TBC1D19: variants seen among roughly 807,000 people sequenced by gnomAD.
The protein encoded by TBC1D19 is TBC1 domain family member 19, also known as TBC1 domain family, member 19.
In TBC1D19, 60 loss-of-function variants were observed where a neutral mutation model predicts 89.0. The observed-to-expected ratio is 0.67, with a 90% CI of 0.55 to 0.84. The LOEUF (loss-of-function observed/expected upper bound fraction) is 0.84, where lower values mean the gene tolerates loss of function less well. Ranked by LOEUF, TBC1D19 falls within the 40% of genes least tolerant of loss-of-function variation. The probability of loss-of-function intolerance (pLI) is 0.00; values close to 1 mark genes in which losing one functional copy is unlikely to be tolerated. For synonymous variants in TBC1D19, 189 were observed against 199.7 expected (o/e 0.95, Z 0.45); for missense variants, 500 against 610.8 (o/e 0.82, Z 1.91).
At chr4:26,767,059 C>G in the TBC1D19 span, among the ~76,000 whole-genome samples, 1 of 152,060 alleles carries the variant, frequency 6.6e-6, no homozygotes, top group Non-Finnish European at 1.5e-5. Flanking sequence ...AATCCTAACA[C>G]TTTGAGAGGC....
rs571551655 is a variant in TBC1D19, at chr4:26,645,919, C to G, written c.480+5732C>G. On this transcript the variant is annotated intron_variant, in intron 7 of 20. Coordinates refer to ENST00000264866, the MANE Select transcript of TBC1D19 (RefSeq NM_018317.4). ...CGGGCGGATCACGAGGTCAGGAGAT[C>G]GAGACCATCCCGGCTAAAACGGTGA... Among the ~76,000 whole-genome samples, 5 of 151,530 alleles carry G rather than the reference C, an allele frequency of 3.3e-5. No homozygotes were observed. The East Asian group carries it at 9.7e-4, about 29-fold the overall frequency.
the TBC1D19 span, among the ~76,000 whole-genome samples, chr4:26,793,245 C>G: frequency 6.6e-6 from 1 of 152,228 alleles, no homozygotes; most frequent in East Asian, 1.9e-4. Flanking sequence ...CCAGGAGACC[C>G]GCTTCTCATG....
intron 19 of TBC1D19, among the ~76,000 whole-genome samples, chr4:26,749,235 CAATT>C (rs1718812003): frequency 6.6e-6 from 1 of 152,080 alleles, no homozygotes; most frequent in Admixed American, 6.6e-5. Context: ...ACAATAGACT[CAATT>C]ACTTTATTAG....
intron 1 of TBC1D19, 27 bp from the exon 2 acceptor site, chr4:26,613,139 TTTC>T (rs1741484105): frequency 7.1e-7 from 1 of 1,404,732 alleles, no homozygotes; most frequent in Non-Finnish European, 9.7e-7. Flanking sequence ...CTTCCTTATC[TTTC>T]TTTTTTATTA....
intron 1 of TBC1D19, among the ~76,000 whole-genome samples, chr4:26,612,482 G>A (rs1741441518): frequency 6.6e-6 from 1 of 151,962 alleles, no homozygotes. Flanking sequence ...CTCTATTTGA[G>A]ATCCTCTAAT....
At chr4:26,676,226 A>C (rs939158810) in intron 11 of TBC1D19, among the ~76,000 whole-genome samples, 8 of 152,166 alleles carry the variant, frequency 5.3e-5, no homozygotes, top group African/African-American at 1.9e-4. Flanking sequence ...TGGTCAGCTC[A>C]CTTAGTCTTC....
chr4:26,744,636 T>C (rs1164051599), intron 18 of TBC1D19, among the ~76,000 whole-genome samples: 11 of 152,102 alleles, frequency 7.2e-5, no homozygotes. Context: ...TCTTTGAATA[T>C]GGGTTATGTA....
intron 18 of TBC1D19, among the ~76,000 whole-genome samples, chr4:26,742,916 T>G (rs940918064): frequency 5.9e-5 from 9 of 152,166 alleles, no homozygotes; most frequent in African/African-American, 1.7e-4. Flanking sequence ...AAACAAATAC[T>G]ACCTGAGAAA....
chr4:26,595,323 G>A (rs553312206), intron 1 of TBC1D19, among the ~76,000 whole-genome samples: 6 of 151,940 alleles, frequency 3.9e-5, no homozygotes, highest in African/African-American at 1.4e-4. Flanking sequence ...TGTATACTTG[G>A]GTAGAATTGT....
chr4:26,845,703 G>A, the TBC1D19 span, among the ~76,000 whole-genome samples: 4 of 152,224 alleles, frequency 2.6e-5, no homozygotes, highest in African/African-American at 9.6e-5. Flanking sequence ...AGTCCCCCAT[G>A]GCTGGGGAAG....
At chr4:26,652,497 T>C (rs1744467675) in intron 7 of TBC1D19, among the ~76,000 whole-genome samples, 1 of 152,152 alleles carries the variant, frequency 6.6e-6, no homozygotes, top group African/African-American at 2.4e-5. Flanking sequence ...ACCTCTTGCC[T>C]CCCTGAGAGC....
intron 1 of TBC1D19, among the ~76,000 whole-genome samples, chr4:26,595,966 ATT>A (rs34255365): frequency 6.6e-6 from 1 of 151,728 alleles, no homozygotes; most frequent in South Asian, 2.1e-4. Flanking sequence ...ATTAAAAAAA[ATT>A]TTTTTTGAGA....
At chr4:26,817,542 G>C in the TBC1D19 span, among the ~76,000 whole-genome samples, 1 of 152,182 alleles carries the variant, frequency 6.6e-6, no homozygotes, top group Non-Finnish European at 1.5e-5. Context: ...CCAGGTTGCT[G>C]TGGGGTTTGG....
At chr4:26,830,743 A>G in the TBC1D19 span, among the ~76,000 whole-genome samples, 1 of 152,178 alleles carries the variant, frequency 6.6e-6, no homozygotes, top group Non-Finnish European at 1.5e-5. Context: ...TGATTGTATG[A>G]ATGCTGGAAC....
At chr4:26,765,790 C>G in the TBC1D19 span, among the ~76,000 whole-genome samples, 1 of 152,046 alleles carries the variant, frequency 6.6e-6, no homozygotes, top group Non-Finnish European at 1.5e-5. Flanking sequence ...CCTATTTTTT[C>G]TAATCTAGTG....
chr4:26,851,316 T>TCTATCTGTCTGTCTATCTATCTATCTAC, the TBC1D19 span, among the ~76,000 whole-genome samples: 1 of 136,248 alleles, frequency 7.3e-6, no homozygotes, highest in African/African-American at 2.6e-5. Context: ...TATCTATCTA[T>TCTATCTGTCTGTCTATCTATCTATCTAC]CTATCTATCT....
intron 7 of TBC1D19, among the ~76,000 whole-genome samples, chr4:26,651,839 G>T (rs1466404320): frequency 6.6e-6 from 1 of 152,120 alleles, no homozygotes; most frequent in African/African-American, 2.4e-5. Flanking sequence ...GTATGATATT[G>T]GCTGTGGGTT....
chr4:26,812,389 C>T, the TBC1D19 span, among the ~76,000 whole-genome samples: 77 of 152,298 alleles, frequency 5.1e-4, no homozygotes, highest in African/African-American at 1.7e-3. The surrounding 1 kb of genome is among the most constrained non-coding windows in gnomAD (Gnocchi z 4.2). Context: ...TGCCTGCCAA[C>T]GCAATTACCA....
At chr4:26,839,425 G>C in the TBC1D19 span, among the ~76,000 whole-genome samples, 1 of 151,982 alleles carries the variant, frequency 6.6e-6, no homozygotes, top group Non-Finnish European at 1.5e-5. Flanking sequence ...GTCTTGAATC[G>C]ATTTTTTTCT....
Sources: allele counts gnomAD v4.1 joint callset (sites outside exome capture counted in the v4.1 genomes callset), GRCh38; gene constraint gnomAD v4.1.1; non-coding constraint Gnocchi (gnomAD v3.1); transcripts MANE v1.5; gene names NCBI Gene and HGNC (gene_info 2026-07-23, HGNC 2026-07-21).